Variants in LMX1A observed in about 807,000 individuals in gnomAD.
LMX1A encodes LIM homeobox transcription factor 1 alpha, also known as LIM homeobox transcription factor 1-alpha.
A neutral mutation model predicts 49.1 loss-of-function variants in LMX1A; 15 were observed. The observed-to-expected ratio is 0.31, with a 90% CI of 0.20 to 0.47. LMX1A has a LOEUF of 0.47. LMX1A is among the 20% of genes least tolerant of loss of function. LMX1A has a pLI of 1.00. For missense variants in LMX1A, 372 were observed against 475.8 expected, an observed-to-expected ratio of 0.78 and a Z score of 2.03; for synonymous variants, 167 against 185.7, an observed-to-expected ratio of 0.90 and a Z score of 0.82.
At chr1:165,242,798 C>T (rs1962242) in intron 4 of LMX1A, among the ~76,000 whole-genome samples, 15,947 of 151,126 alleles carry the variant, frequency 0.11, 1,073 homozygotes, top group Admixed American at 0.14. Flanking sequence ...AACATTTAGG[C>T]GGGTGCCTAT....
At chr1:165,311,779 A>G (rs1331702392) in intron 3 of LMX1A, among the ~76,000 whole-genome samples, 1 of 152,196 alleles carries the variant, frequency 6.6e-6, no homozygotes, top group East Asian at 1.9e-4. Flanking sequence ...GGCATTCAAG[A>G]TCTTTGAAGG....
intron 2 of LMX1A, among the ~76,000 whole-genome samples, chr1:165,354,082 G>A (rs1386910735): frequency 6.6e-6 from 1 of 152,156 alleles, no homozygotes; most frequent in Non-Finnish European, 1.5e-5. Context: ...TTTGTGGGGG[G>A]CGGAGAGGTG....
intron 3 of LMX1A, among the ~76,000 whole-genome samples, chr1:165,284,355 T>A (rs2101708852): frequency 6.6e-6 from 1 of 152,360 alleles, no homozygotes; most frequent in East Asian, 1.9e-4. Context: ...TTTGATACTA[T>A]CTGATTACCT....
intron 7 of LMX1A, among the ~76,000 whole-genome samples, 199 bp downstream of exon 7, chr1:165,207,864 C>T (rs1408754170): frequency 6.6e-6 from 1 of 152,182 alleles, no homozygotes; most frequent in African/African-American, 2.4e-5. Flanking sequence ...CAGTTCTAAG[C>T]CTGCAGCTCA....
At chr1:165,344,732 C>T (rs986250784) in intron 3 of LMX1A, among the ~76,000 whole-genome samples, 6 of 152,220 alleles carry the variant, frequency 3.9e-5, no homozygotes, top group African/African-American at 1.4e-4. Context: ...AAATCCAGGC[C>T]ATCAGAGCAC....
chr1:165,211,642 G>A (rs530336185), intron 5 of LMX1A, among the ~76,000 whole-genome samples: 3 of 152,160 alleles, frequency 2.0e-5, no homozygotes, highest in Non-Finnish European at 4.4e-5. Flanking sequence ...TGCCACTTGG[G>A]GAAAGGCTTA....
chr1:165,351,900 T>A (rs997416420), intron 3 of LMX1A, among the ~76,000 whole-genome samples: 1 of 152,262 alleles, frequency 6.6e-6, no homozygotes. Context: ...GAACTGCTTT[T>A]CACGCACGCT....
At chr1:165,235,209 G>C (rs1454871011) in intron 4 of LMX1A, among the ~76,000 whole-genome samples, 1 of 152,186 alleles carries the variant, frequency 6.6e-6, no homozygotes, top group Non-Finnish European at 1.5e-5. Context: ...GAAGACCCGG[G>C]AGCTAGGACC....
chr1:165,295,093 C>T (rs1397329027), intron 3 of LMX1A, among the ~76,000 whole-genome samples: 1 of 151,972 alleles, frequency 6.6e-6, no homozygotes, highest in Non-Finnish European at 1.5e-5. Flanking sequence ...TGTTCAGTAC[C>T]TGTATTATAT....
At chr1:165,292,949 T>A (rs1654518768) in intron 3 of LMX1A, among the ~76,000 whole-genome samples, 1 of 151,906 alleles carries the variant, frequency 6.6e-6, no homozygotes, top group South Asian at 2.1e-4. Flanking sequence ...AAACCATGTC[T>A]CTACTAAAAA....
intron 4 of LMX1A, among the ~76,000 whole-genome samples, chr1:165,233,977 C>T (rs939982014): frequency 2.6e-5 from 4 of 152,164 alleles, no homozygotes; most frequent in African/African-American, 9.7e-5. Context: ...ACTTTCCCTG[C>T]CTGCAATGTT....
intron 3 of LMX1A, among the ~76,000 whole-genome samples, chr1:165,325,106 A>G (rs2101747273): frequency 6.6e-6 from 1 of 152,210 alleles, no homozygotes; most frequent in Non-Finnish European, 1.5e-5. Context: ...CACAGACCCT[A>G]AAAGAAACTC....
At chr1:165,209,337 G>C (rs1447018674) in intron 6 of LMX1A, among the ~76,000 whole-genome samples, 2 of 152,148 alleles carry the variant, frequency 1.3e-5, no homozygotes, top group African/African-American at 2.4e-5. Flanking sequence ...AAAATTTTTG[G>C]ACTCTCCAGA....
intron 3 of LMX1A, among the ~76,000 whole-genome samples, chr1:165,335,446 A>G (rs1229578719): frequency 1.3e-5 from 2 of 152,166 alleles, no homozygotes; most frequent in Non-Finnish European, 2.9e-5. Context: ...AGGATAATCA[A>G]TAACTCAGTA....
chr1:165,230,132 A>G (rs1652187862), intron 4 of LMX1A, among the ~76,000 whole-genome samples: 1 of 152,208 alleles, frequency 6.6e-6, no homozygotes, highest in South Asian at 2.1e-4. Flanking sequence ...TCTCTCCAGA[A>G]CCCAGCAGTG....
intron 3 of LMX1A, among the ~76,000 whole-genome samples, chr1:165,260,082 G>A (rs1309028641): frequency 6.6e-6 from 1 of 152,096 alleles, no homozygotes; most frequent in Non-Finnish European, 1.5e-5. Flanking sequence ...ACAGACATAT[G>A]GAAAATATCC....
chr1:165,323,568 T>C (rs765703124), intron 3 of LMX1A, among the ~76,000 whole-genome samples: 13 of 152,220 alleles, frequency 8.5e-5, no homozygotes, highest in Non-Finnish European at 1.6e-4. Context: ...CGTACCCAGA[T>C]GCCACGTAAA....
At chr1:165,326,219 T>G (rs1160308764) in intron 3 of LMX1A, among the ~76,000 whole-genome samples, 1 of 152,100 alleles carries the variant, frequency 6.6e-6, no homozygotes, top group East Asian at 1.9e-4. Context: ...GTAGATGAGA[T>G]AGGGGAGAAG....
At chr1:165,257,195 A>C (rs1326055293) in intron 3 of LMX1A, among the ~76,000 whole-genome samples, 2 of 152,084 alleles carry the variant, frequency 1.3e-5, no homozygotes, top group South Asian at 2.1e-4. Flanking sequence ...ACTCAAAGAG[A>C]ATCTGACCAT....
Sources: allele counts gnomAD v4.1 joint callset (sites outside exome capture counted in the v4.1 genomes callset), GRCh38; gene constraint gnomAD v4.1.1; transcripts MANE v1.5; gene names NCBI Gene and HGNC (gene_info 2026-07-23, HGNC 2026-07-21).